Variants in TBC1D30 observed in about 807,000 individuals in gnomAD.
The protein encoded by TBC1D30 is TBC1 domain family, member 30.
Under a neutral mutation model 63.2 loss-of-function variants are expected in TBC1D30, and 31 were observed. The observed-to-expected ratio is 0.49, with a 90% CI of 0.37 to 0.66. The LOEUF (loss-of-function observed/expected upper bound fraction) is 0.66. Ranked by LOEUF, TBC1D30 falls within the 30% of genes least tolerant of loss-of-function variation. The pLI, the probability that TBC1D30 is intolerant of heterozygous loss-of-function variation, is 0.00. For missense variants in TBC1D30, 810 were observed against 953.6 expected, an observed-to-expected ratio of 0.85 and a Z score of 1.98; for synonymous variants, 307 against 361.5, an observed-to-expected ratio of 0.85 and a Z score of 1.71.
At chr12:64,759,520 C>T in exon 1 of TBC1D30, 1 of 486,424 alleles carries the variant, frequency 2.1e-6, no homozygotes. Flanking sequence ...TGGAGGGAGG[C>T]ATCAGGCAGT....
intron 9 of TBC1D30, among the ~76,000 whole-genome samples, chr12:64,865,231 TGA>T (rs1450205062): frequency 2.0e-5 from 3 of 146,842 alleles, no homozygotes; most frequent in Non-Finnish European, 4.5e-5. Context: ...GGAAAGAAAA[TGA>T]GAGTCAGACC....
At chr12:64,825,297 G>T in intron 1 of TBC1D30, 2 of 431,466 alleles carry the variant, frequency 4.6e-6, no homozygotes, top group East Asian at 4.0e-5. Flanking sequence ...CCACCCTGCG[G>T]CCTGTGTGCT....
intron 9 of TBC1D30, among the ~76,000 whole-genome samples, chr12:64,865,016 C>A (rs2136460100): frequency 6.6e-6 from 1 of 151,766 alleles, no homozygotes; most frequent in South Asian, 2.1e-4. Context: ...CACAACTTAT[C>A]TAATGATATC....
rs992622852 is a variant in TBC1D30, at chr12:64,780,946, G to GGGAGCGGC, written c.147_154dup (p.Pro52ArgfsTer34). On this transcript the variant is annotated frameshift_variant, in exon 1 of 13. Transcript: ENST00000542120. LOFTEE classifies it high-confidence loss of function. Reference sequence around the variant, plus strand: ...CAGCTCCCCCAGCCCCGCGCCTCCGGGGAGCGGCGGAGCGGCCGCGGCGCT... The same window carrying GGGAGCGGC: ...CAGCTCCCCCAGCCCCGCGCCTCCGGGGAGCGGCGGAGCGGCGGAGCGGCCGCGGCGCT... The GGGAGCGGC allele has an allele frequency of 2.8e-6, 3 of 1,058,152 alleles. No individual in the cohort carries two copies. Among genetic ancestry groups the GGGAGCGGC allele is most frequent in the Non-Finnish European group, 3.5e-6 (3 of 867,818 alleles). 65.5% of individuals were successfully genotyped at this position (1,058,152 alleles called of 1,614,324 possible). A position where few individuals can be genotyped will look rare whatever the true frequency, so the allele number is the denominator to read the frequency against.
chr12:64,817,224 C>T (rs1336176933), intron 2 of TBC1D30, among the ~76,000 whole-genome samples: 2 of 152,212 alleles, frequency 1.3e-5, no homozygotes, highest in African/African-American at 2.4e-5. Flanking sequence ...TGACTGCTCA[C>T]AGCGCCATTT....
At chr12:64,783,901 G>T (rs1871417217) in intron 1 of TBC1D30, among the ~76,000 whole-genome samples, 1 of 16,466 alleles carries the variant, frequency 6.1e-5, no homozygotes, top group Non-Finnish European at 1.4e-4. Flanking sequence ...CAGGTGATCT[G>T]CCTGCCTCGG....
At chr12:64,837,772 C>T (rs1875496010) in intron 6 of TBC1D30, among the ~76,000 whole-genome samples, 1 of 152,084 alleles carries the variant, frequency 6.6e-6, no homozygotes, top group Non-Finnish European at 1.5e-5. Context: ...TTTTATAATG[C>T]TTCCGGATAG....
chr12:64,830,278 C>T, intron 3 of TBC1D30, 99 bp from the exon 4 acceptor site: 2 of 1,206,602 alleles, frequency 1.7e-6, no homozygotes, highest in South Asian at 3.5e-5. Flanking sequence ...GGTCTAGGGA[C>T]ACTTCCCATT....
intron 11 of TBC1D30, 42 bp downstream of exon 11, chr12:64,870,850 A>G: frequency 6.6e-7 from 1 of 1,522,548 alleles, no homozygotes; most frequent in Non-Finnish European, 8.8e-7. Flanking sequence ...GCTCTATCTC[A>G]ACTTGTAAAA....
At chr12:64,771,367 C>A (rs1870900564) in intron 1 of TBC1D30, among the ~76,000 whole-genome samples, 1 of 152,056 alleles carries the variant, frequency 6.6e-6, no homozygotes, top group Non-Finnish European at 1.5e-5. Flanking sequence ...GAACTCTTAT[C>A]CACGAGGCAC....
intron 4 of TBC1D30, among the ~76,000 whole-genome samples, chr12:64,831,580 A>G (rs1345421850): frequency 2.0e-5 from 3 of 152,206 alleles, no homozygotes; most frequent in Non-Finnish European, 4.4e-5. Context: ...ATTAAAGCAT[A>G]GCAAATATTT....
At chr12:64,803,552 T>A (rs1032460882) in intron 2 of TBC1D30, among the ~76,000 whole-genome samples, 2 of 152,236 alleles carry the variant, frequency 1.3e-5, no homozygotes, top group African/African-American at 4.8e-5. Flanking sequence ...CTTTTGGTGT[T>A]TTAGACATGA....
chr12:64,826,904 G>A (rs1339768464), intron 1 of TBC1D30, among the ~76,000 whole-genome samples: 1 of 152,014 alleles, frequency 6.6e-6, no homozygotes, highest in Non-Finnish European at 1.5e-5. Context: ...TCTTGACTCC[G>A]TGTATATATA....
chr12:64,765,490 CA>C (rs60489979), intron 1 of TBC1D30, among the ~76,000 whole-genome samples: 65 of 17,580 alleles, frequency 3.7e-3, no homozygotes, highest in Admixed American at 5.1e-3. Flanking sequence ...AGACTGTCTC[CA>C]AAAAAAAAAA....
chr12:64,782,211 C>T (rs1871332473), intron 1 of TBC1D30, among the ~76,000 whole-genome samples: 1 of 151,664 alleles, frequency 6.6e-6, no homozygotes, highest in African/African-American at 2.4e-5. Flanking sequence ...TGCCGAGCCA[C>T]CATAACATTT....
chr12:64,829,240 C>T (rs907496419), intron 3 of TBC1D30, among the ~76,000 whole-genome samples: 1 of 152,026 alleles, frequency 6.6e-6, no homozygotes, highest in Non-Finnish European at 1.5e-5. Flanking sequence ...TGGGTACTGA[C>T]TTGAGAATAT....
chr12:64,824,402 C>CTCCCTCTGT (rs1275421766), upstream of TBC1D30, among the ~76,000 whole-genome samples: 1 of 152,202 alleles, frequency 6.6e-6, no homozygotes, highest in Non-Finnish European at 1.5e-5. Flanking sequence ...CCCCTTGGTG[C>CTCCCTCTGT]TCCCTCTGTT....
chr12:64,792,956 A>G (rs780992856), intron 2 of TBC1D30, among the ~76,000 whole-genome samples: 21 of 152,256 alleles, frequency 1.4e-4, no homozygotes, highest in Non-Finnish European at 2.2e-4. Context: ...AGGCCTTTCC[A>G]TGCTCTCCCC....
intron 1 of TBC1D30, among the ~76,000 whole-genome samples, chr12:64,773,173 G>T (rs1870964929): frequency 6.6e-6 from 1 of 152,222 alleles, no homozygotes; most frequent in African/African-American, 2.4e-5. Context: ...CCAACTGAGG[G>T]TGGAAGGGAT....
Sources: gnomAD v4.1 joint callset for allele counts (sites outside exome capture counted in the v4.1 genomes callset) on GRCh38, gnomAD v4.1.1 for gene constraint, MANE v1.5 for transcripts, NCBI Gene and HGNC (gene_info 2026-07-23, HGNC 2026-07-21) for gene names.